The following LRP1B variants were observed in gnomAD, a reference collection of about 807,000 sequenced individuals.
LRP1B encodes low-density lipoprotein receptor-related protein 1B.
Under a neutral mutation model 556.6 loss-of-function variants are expected in LRP1B, and 217 were observed. The observed-to-expected ratio is 0.39, with a 90% CI of 0.35 to 0.44. The LOEUF (loss-of-function observed/expected upper bound fraction) is 0.44. Among genes scored for constraint, LRP1B ranks in the 20% least tolerant of loss-of-function variants. The probability of loss-of-function intolerance (pLI) is 1.00; values close to 1 mark genes in which losing one functional copy is unlikely to be tolerated. For synonymous variants in LRP1B, 2,047 were observed against 1,865.8 expected (o/e 1.10, Z -2.50); for missense variants, 5,053 against 5,620.8 (o/e 0.90, Z 3.23).
intron 1 of LRP1B, among the ~76,000 whole-genome samples, chr2:142,002,087 G>A (rs539322988): frequency 3.9e-5 from 6 of 151,980 alleles, no homozygotes; most frequent in African/African-American, 7.3e-5. Context: ...TAATTTCTAC[G>A]TTCTTATGCT....
chr2:140,395,924 T>C (rs1684229116), intron 66 of LRP1B, among the ~76,000 whole-genome samples: 1 of 152,120 alleles, frequency 6.6e-6, no homozygotes, highest in Admixed American at 6.6e-5. Flanking sequence ...ACTTTATGGT[T>C]ATGAAGTGAG....
At chr2:140,325,723 A>AAAAAT in intron 80 of LRP1B, 39 bp downstream of exon 80, 1 of 1,326,262 alleles carries the variant, frequency 7.5e-7, no homozygotes, top group South Asian at 1.2e-5. Flanking sequence ...TAACACTCTC[A>AAAAAT]GTAACAATTA....
chr2:140,415,488 T>A (rs1276868648), intron 66 of LRP1B, among the ~76,000 whole-genome samples: 1 of 152,176 alleles, frequency 6.6e-6, no homozygotes, highest in Non-Finnish European at 1.5e-5. Flanking sequence ...ATATGGGATG[T>A]CACCTCTGGC....
chr2:141,909,765 T>C (rs1699860418), intron 1 of LRP1B, among the ~76,000 whole-genome samples: 1 of 152,012 alleles, frequency 6.6e-6, no homozygotes, highest in Non-Finnish European at 1.5e-5. Context: ...AGGTTTTCTG[T>C]TGAATGCAAC....
At chr2:140,963,180 C>T (rs1696089450) in intron 18 of LRP1B, among the ~76,000 whole-genome samples, 1 of 151,916 alleles carries the variant, frequency 6.6e-6, no homozygotes, top group Non-Finnish European at 1.5e-5. Flanking sequence ...TTCAACTGAA[C>T]ACCTTTCAAA....
At position 141,074,567 on chromosome 2, in the gene LRP1B, CTG is replaced by C. The variant is rs1402279498; in HGVS notation, c.1014-12296_1014-12295del. On this transcript the variant is annotated intron_variant, in intron 7 of 90. Coordinates refer to ENST00000389484, the MANE Select transcript of LRP1B (RefSeq NM_018557.3). ...CTAAGTTCTTTCTCTTTCTGTCTCTCTGTCTCTCTCTCTCTCTCTCTCTATAT... is the reference window on the plus strand; with the variant it reads ...CTAAGTTCTTTCTCTTTCTGTCTCTCTCTCTCTCTCTCTCTCTCTCTATAT... Among the ~76,000 whole-genome samples the C allele has an allele frequency of 3.4e-4, 27 of 79,858 alleles. 1 individual carries two copies. In the South Asian group the frequency reaches 9.3e-3, roughly 27 times the overall value. 52.4% of individuals were successfully genotyped at this position (79,858 alleles called of 152,430 possible).
chr2:141,628,657 AT>A (rs995961658), intron 2 of LRP1B, among the ~76,000 whole-genome samples: 1 of 151,086 alleles, frequency 6.6e-6, no homozygotes, highest in Non-Finnish European at 1.5e-5. Flanking sequence ...CAAGTTTCTA[AT>A]TTTTTTTTGA....
intron 7 of LRP1B, among the ~76,000 whole-genome samples, chr2:141,097,882 A>C (rs554002835): frequency 7.9e-5 from 12 of 152,326 alleles, no homozygotes; most frequent in African/African-American, 2.6e-4. Flanking sequence ...TTAACAAATT[A>C]AGTGAGCCTA....
intron 2 of LRP1B, among the ~76,000 whole-genome samples, chr2:141,778,667 A>G (rs1695150817): frequency 6.6e-6 from 1 of 152,222 alleles, no homozygotes; most frequent in South Asian, 2.1e-4. Flanking sequence ...ACCATGAACT[A>G]CAAAATGTAA....
intron 2 of LRP1B, among the ~76,000 whole-genome samples, chr2:141,765,652 C>T (rs563908787): frequency 4.2e-4 from 64 of 152,242 alleles, no homozygotes; most frequent in Admixed American, 9.2e-4. Flanking sequence ...AGAAGAGTTG[C>T]CATTTTGCCC....
At chr2:141,158,037 A>C (rs1003542445) in intron 7 of LRP1B, among the ~76,000 whole-genome samples, 1 of 152,124 alleles carries the variant, frequency 6.6e-6, no homozygotes, top group East Asian at 1.9e-4. Context: ...TAATGTGTTT[A>C]TTTATGGCTA....
Position 141,881,603 on chromosome 2 carries a change from CCAAGAGTGAGGT to C in LRP1B, c.83-71214_83-71203del, listed in dbSNP as rs1248315952. Among the ~76,000 whole-genome samples the C allele has an allele frequency of 2.0e-5, 3 of 151,598 alleles. 1 individual carries two copies. Among genetic ancestry groups the C allele is most frequent in the Admixed American group, 2.0e-4 (3 of 15,194 alleles). On this transcript the variant is annotated intron_variant, in intron 1 of 90. Transcript: ENST00000389484. ...TCGGCAGATATTCTTTGATTAAAAA[CCAAGAGTGAGGT>C]AAACTGTCCTTGATAAGATGTAAAA...
At chr2:141,613,465 T>G (rs1688182437) in intron 2 of LRP1B, among the ~76,000 whole-genome samples, 2 of 152,174 alleles carry the variant, frequency 1.3e-5, no homozygotes, top group African/African-American at 4.8e-5. Context: ...TTTATTAAAT[T>G]TTAATAATTA....
chr2:141,696,933 A>G (rs1351868181), intron 2 of LRP1B, among the ~76,000 whole-genome samples: 1 of 151,952 alleles, frequency 6.6e-6, no homozygotes, highest in East Asian at 1.9e-4. Flanking sequence ...AAAATCTATA[A>G]TAATAATACG....
chr2:140,355,168 A>G (rs1682153019), intron 75 of LRP1B, among the ~76,000 whole-genome samples: 1 of 151,904 alleles, frequency 6.6e-6, no homozygotes, highest in Non-Finnish European at 1.5e-5. Flanking sequence ...AAAAATTAAG[A>G]AAACTTTAAT....
At chr2:140,430,313 A>T (rs534166978) in intron 66 of LRP1B, among the ~76,000 whole-genome samples, 1 of 152,274 alleles carries the variant, frequency 6.6e-6, no homozygotes, top group Admixed American at 6.5e-5. Flanking sequence ...CTGATTCTAA[A>T]TATGCCTTTC....
intron 1 of LRP1B, among the ~76,000 whole-genome samples, chr2:141,971,316 G>A (rs1028023626): frequency 6.6e-6 from 1 of 151,204 alleles, no homozygotes; most frequent in African/African-American, 2.4e-5. Flanking sequence ...TCCCCTAAAG[G>A]TTACACAGAA....
At chr2:141,300,304 C>A (rs1433059147) in intron 3 of LRP1B, among the ~76,000 whole-genome samples, 1 of 152,114 alleles carries the variant, frequency 6.6e-6, no homozygotes, top group Non-Finnish European at 1.5e-5. Context: ...GTCATTTGAG[C>A]ACCATTATAT....
chr2:140,959,268 G>A (rs1695965314), intron 18 of LRP1B, among the ~76,000 whole-genome samples: 2 of 151,648 alleles, frequency 1.3e-5, no homozygotes, highest in Middle Eastern at 3.4e-3. Context: ...GAGTTATATT[G>A]GTGGTAATCT....
Sources: allele counts gnomAD v4.1 joint callset (sites outside exome capture counted in the v4.1 genomes callset), GRCh38; gene constraint gnomAD v4.1.1; transcripts MANE v1.5; gene names NCBI Gene and HGNC (gene_info 2026-07-23, HGNC 2026-07-21).